Variants in MGST1 observed in about 807,000 individuals in gnomAD.
MGST1 encodes the protein glutathione S-transferase 12.
In MGST1, 5 loss-of-function variants were observed where a neutral mutation model predicts 8.9. The ratio of observed to expected loss-of-function variants is 0.56; its 90% confidence interval spans 0.29 to 1.19. The LOEUF (loss-of-function observed/expected upper bound fraction) is 1.19. MGST1 is among the 50% of genes most tolerant of loss of function. MGST1 has a pLI of 0.08. For missense variants in MGST1, 182 were observed against 187.4 expected (o/e 0.97, Z 0.17); for synonymous variants, 54 against 67.8 (o/e 0.80, Z 1.00).
At chr12:16,479,181 A>C (rs971192600) in intron 4 of MGST1, among the ~76,000 whole-genome samples, 16 of 149,024 alleles carry the variant, frequency 1.1e-4, no homozygotes, top group Non-Finnish European at 2.4e-4. Context: ...TTTATGCTTG[A>C]TAATATTCCA....
chr12:16,470,529 A>C (rs2137133977), intron 4 of MGST1, among the ~76,000 whole-genome samples: 1 of 152,200 alleles, frequency 6.6e-6, no homozygotes, highest in East Asian at 1.9e-4. Context: ...TTCGGGAAGA[A>C]GGCTTTCTGT....
intron 4 of MGST1, among the ~76,000 whole-genome samples, chr12:16,552,033 A>G (rs1201673749): frequency 2.0e-5 from 3 of 152,038 alleles, no homozygotes. Flanking sequence ...GATGTGATAA[A>G]CTAAACTAGT....
chr12:16,570,054 T>C (rs1242968090), intron 4 of MGST1, among the ~76,000 whole-genome samples: 1 of 152,184 alleles, frequency 6.6e-6, no homozygotes, highest in Non-Finnish European at 1.5e-5. Context: ...TCCCTTGATA[T>C]AGCTCAGGAA....
At chr12:16,355,734 A>T (rs992873394) in intron 2 of MGST1, among the ~76,000 whole-genome samples, 1 of 152,200 alleles carries the variant, frequency 6.6e-6, no homozygotes, top group Non-Finnish European at 1.5e-5. Flanking sequence ...GTGCTTGGTC[A>T]TGCAGTCATT....
intron 1 of MGST1, chr12:16,399,952 T>G (rs1940640249): frequency 7.5e-7 from 1 of 1,331,846 alleles, no homozygotes; most frequent in African/African-American, 1.4e-5. Context: ...TTCCATAGCA[T>G]TTACCAGCGC....
chr12:16,402,374 C>T lies in MGST1; in HGVS notation n.778+18770C>T, dbSNP rs569201265. ...TCCTTTCTGCCAATTGCTGTACAGT[C>T]TCTTCACTCACCGATAATAAGCGTC... On this transcript the variant is annotated intron_variant and non_coding_transcript_variant, in intron 1 of 1. Coordinates refer to the MGST1 transcript ENST00000359720. The T allele has an allele frequency of 5.0e-6, 8 of 1,604,276 alleles. No homozygotes were observed. The African/African-American group carries it at 6.7e-5, about 13-fold the overall frequency.
chr12:16,494,799 G>A lies in MGST1; in HGVS notation n.483-94729G>A, dbSNP rs1473505152. On this transcript the variant is annotated intron_variant and non_coding_transcript_variant, in intron 4 of 4. Coordinates refer to the MGST1 transcript ENST00000538857. The stretch of plus-strand genomic sequence containing the variant: ...AACTATTTCTGAAATTAGGGTAAAC[G>A]TGAAAATCATCATCAAAACAGAAAG... Among the ~76,000 whole-genome samples the A allele has an allele frequency of 2.6e-5, 4 of 152,076 alleles. No individual in the cohort carries two copies. The East Asian group carries it at 5.8e-4, about 22-fold the overall frequency.
At chr12:16,366,856 T>C (rs1402657167), downstream of MGST1, among the ~76,000 whole-genome samples, 1 of 152,102 alleles carries the variant, frequency 6.6e-6, no homozygotes, top group East Asian at 1.9e-4. The surrounding 1 kb of genome is among the most constrained non-coding windows in gnomAD (Gnocchi z 4.0). Context: ...TCTGTATCTA[T>C]TATAGAGTCA....
chr12:16,542,887 A>C (rs1358082901), intron 4 of MGST1, among the ~76,000 whole-genome samples: 7 of 152,144 alleles, frequency 4.6e-5, no homozygotes, highest in Non-Finnish European at 1.5e-5. Flanking sequence ...AACTTAGATT[A>C]GGGGTGGTCT....
At position 16,589,493 on chromosome 12, in the gene MGST1, AT is replaced by A. The variant is rs1317655724; in HGVS notation, n.483-32del. ...GGAAGGAAAAATTTAAGAAAAATTA[AT>A]TTAAAATCTCCTGAAAAATTATGTC... is the stretch of plus-strand genomic sequence containing the variant. On this transcript the variant is annotated intron_variant and non_coding_transcript_variant, in intron 4 of 4. Coordinates refer to the MGST1 transcript ENST00000538857. The surrounding 1 kb of genome is among the most constrained non-coding windows in gnomAD (Gnocchi z 4.2). 6.6e-6 allele frequency: 1 copy of A among 152,130 alleles called. No individual in the cohort carries two copies. Among genetic ancestry groups the A allele is most frequent in the African/African-American group, 2.4e-5 (1 of 41,436 alleles). The allele number at this position is 152,130 out of a possible 1,614,324, so 9.4% of individuals were successfully genotyped here.
downstream of MGST1, among the ~76,000 whole-genome samples, chr12:16,381,639 A>G (rs1262684794): frequency 6.6e-6 from 1 of 152,072 alleles, no homozygotes; most frequent in African/African-American, 2.4e-5. Context: ...CTCGAGGAGT[A>G]TCTTTGTGGC....
intron 4 of MGST1, among the ~76,000 whole-genome samples, chr12:16,524,119 A>G (rs1941666509): frequency 1.3e-5 from 2 of 152,074 alleles, no homozygotes; most frequent in Admixed American, 6.6e-5. Flanking sequence ...TTTGTCAGAA[A>G]GTGTTTGTGT....
intron 4 of MGST1, among the ~76,000 whole-genome samples, chr12:16,564,086 TC>T (rs1942501916): frequency 6.6e-6 from 1 of 152,210 alleles, no homozygotes; most frequent in Non-Finnish European, 1.5e-5. Context: ...TCTGTAGAAA[TC>T]CCAGAGATGT....
downstream of MGST1, among the ~76,000 whole-genome samples, chr12:16,439,214 A>G (rs1941017151): frequency 6.6e-6 from 1 of 151,868 alleles, no homozygotes; most frequent in Admixed American, 6.6e-5. Flanking sequence ...CATTTATTGG[A>G]TATAAAGTAT....
chr12:16,501,101 A>G (rs1335649959), intron 4 of MGST1, among the ~76,000 whole-genome samples: 9 of 148,374 alleles, frequency 6.1e-5, no homozygotes, highest in Admixed American at 5.4e-4. Context: ...CTGTCTCGAA[A>G]AAAAAAAAAA....
intron 4 of MGST1, among the ~76,000 whole-genome samples, chr12:16,570,244 T>G (rs1300006510): frequency 6.6e-6 from 1 of 152,148 alleles, no homozygotes. Context: ...AGTAATACTT[T>G]CCTAAAAATC....
intron 3 of MGST1, among the ~76,000 whole-genome samples, chr12:16,371,822 T>C (rs1184060822): frequency 6.6e-6 from 1 of 152,092 alleles, no homozygotes; most frequent in East Asian, 1.9e-4. Context: ...ATATTTACTC[T>C]GGCATAAAAA....
chr12:16,519,871 T>C (rs1941637839), intron 4 of MGST1, among the ~76,000 whole-genome samples: 1 of 152,306 alleles, frequency 6.6e-6, no homozygotes, highest in South Asian at 2.1e-4. Context: ...AAGCCAGATA[T>C]CAGTTTGACC....
At chr12:16,357,927 C>T (rs942438758) in intron 3 of MGST1, among the ~76,000 whole-genome samples, 4 of 152,086 alleles carry the variant, frequency 2.6e-5, no homozygotes, top group African/African-American at 7.2e-5. Flanking sequence ...GGGTTAATGA[C>T]GTTGCTGTAT....
Sources: allele counts gnomAD v4.1 joint callset (sites outside exome capture counted in the v4.1 genomes callset), GRCh38; gene constraint gnomAD v4.1.1; non-coding constraint Gnocchi (gnomAD v3.1); transcripts MANE v1.5; gene names NCBI Gene and HGNC (gene_info 2026-07-23, HGNC 2026-07-21).